Variants in RSU1 observed in about 807,000 individuals in gnomAD.
RSU1 encodes Ras suppressor protein 1.
In RSU1, 26 loss-of-function variants were observed where a neutral mutation model predicts 31.1. The observed-to-expected ratio is 0.84, with a 90% CI of 0.61 to 1.16. The LOEUF is 1.16. RSU1 is among the 50% of genes most tolerant of loss of function. RSU1 has a pLI of 0.00. For synonymous variants in RSU1, 164 were observed against 136.3 expected (o/e 1.20, Z -1.41); for missense variants, 320 against 339.1 (o/e 0.94, Z 0.44).
At chr10:16,680,255 C>T (rs1286526290) in intron 8 of RSU1, among the ~76,000 whole-genome samples, 1 of 151,954 alleles carries the variant, frequency 6.6e-6, no homozygotes, top group African/African-American at 2.4e-5. Context: ...GCCGAGAATA[C>T]AGCAGACACA....
intron 8 of RSU1, among the ~76,000 whole-genome samples, chr10:16,600,712 T>A (rs1833703391): frequency 6.6e-6 from 1 of 151,836 alleles, no homozygotes. Flanking sequence ...CAGGTGCAGA[T>A]CACCATGCCC....
At chr10:16,613,047 C>T (rs973948677) in intron 8 of RSU1, among the ~76,000 whole-genome samples, 3 of 152,112 alleles carry the variant, frequency 2.0e-5, no homozygotes, top group African/African-American at 7.2e-5. Flanking sequence ...ACTCTTTGTT[C>T]AATTCAACAC....
chr10:16,816,941 C>A (rs377144416), intron 2 of RSU1, 32 bp downstream of exon 2: 23 of 1,466,386 alleles, frequency 1.6e-5, no homozygotes, highest in Non-Finnish European at 2.2e-5. Flanking sequence ...CCTTCCAGCT[C>A]ATCCACGGGA....
chr10:16,788,467 C>G (rs536995025), intron 2 of RSU1, among the ~76,000 whole-genome samples: 5 of 152,296 alleles, frequency 3.3e-5, no homozygotes, highest in African/African-American at 1.2e-4. Context: ...GAGACACGAT[C>G]TCTTTCTCCA....
intron 2 of RSU1, among the ~76,000 whole-genome samples, chr10:16,785,934 T>G (rs1837782712): frequency 6.6e-6 from 1 of 152,194 alleles, no homozygotes; most frequent in South Asian, 2.1e-4. Context: ...CTAAACTTAT[T>G]GTGTCTTTTG....
intron 8 of RSU1, among the ~76,000 whole-genome samples, chr10:16,629,244 G>C (rs1040008868): frequency 1.1e-4 from 17 of 152,140 alleles, no homozygotes; most frequent in African/African-American, 4.1e-4. Context: ...GTTACCAGGT[G>C]ATATCGATGC....
At chr10:16,674,759 A>G (rs1379664946) in intron 8 of RSU1, among the ~76,000 whole-genome samples, 1 of 152,086 alleles carries the variant, frequency 6.6e-6, no homozygotes, top group Non-Finnish European at 1.5e-5. Context: ...ATAAGTGTAA[A>G]GCCGGCCAGA....
At chr10:16,670,796 C>A (rs573590991) in intron 8 of RSU1, among the ~76,000 whole-genome samples, 1 of 152,094 alleles carries the variant, frequency 6.6e-6, no homozygotes, top group Non-Finnish European at 1.5e-5. Flanking sequence ...CTGAGTCTTG[C>A]TCTTGTCACC....
chr10:16,673,586 T>C (rs559739730), intron 8 of RSU1, among the ~76,000 whole-genome samples: 2 of 152,320 alleles, frequency 1.3e-5, no homozygotes, highest in East Asian at 1.9e-4. Flanking sequence ...AAAAGCCAAA[T>C]GTTTCTTGAA....
chr10:16,643,555 C>T (rs1449145595), intron 8 of RSU1, among the ~76,000 whole-genome samples: 2 of 152,092 alleles, frequency 1.3e-5, no homozygotes, highest in Non-Finnish European at 2.9e-5. Flanking sequence ...TGACAAACAC[C>T]TTGTATTTCA....
chr10:16,673,063 T>G (rs1835142975), intron 8 of RSU1, among the ~76,000 whole-genome samples: 1 of 152,020 alleles, frequency 6.6e-6, no homozygotes, highest in South Asian at 2.1e-4. Context: ...AAGCTTATTC[T>G]CCAAGGCTAC....
intron 8 of RSU1, among the ~76,000 whole-genome samples, chr10:16,627,354 T>G (rs1219759585): frequency 6.6e-6 from 1 of 152,214 alleles, no homozygotes; most frequent in Non-Finnish European, 1.5e-5. Context: ...GAGTAGGTTA[T>G]GTTAGCTACA....
intron 8 of RSU1, among the ~76,000 whole-genome samples, chr10:16,607,619 A>C (rs113492118): frequency 0.016 from 2,431 of 152,302 alleles, 60 homozygotes; most frequent in African/African-American, 0.054. Flanking sequence ...CACACTGAGC[A>C]GGTGCTCTGT....
intron 3 of RSU1, among the ~76,000 whole-genome samples, chr10:16,778,143 C>G (rs1183849229): frequency 6.6e-6 from 1 of 151,578 alleles, no homozygotes; most frequent in Admixed American, 6.6e-5. Flanking sequence ...ACTACAGCCT[C>G]CACAGTAGCT....
At chr10:16,772,641 GAAAAA>G (rs60460081) in intron 3 of RSU1, among the ~76,000 whole-genome samples, 1 of 64,760 alleles carries the variant, frequency 1.5e-5, no homozygotes. Flanking sequence ...AGTAGAATAT[GAAAAA>G]AAAAAAAAAA....
chr10:16,760,994 T>G (rs1016022161), intron 4 of RSU1, among the ~76,000 whole-genome samples: 5 of 152,166 alleles, frequency 3.3e-5, no homozygotes, highest in African/African-American at 1.2e-4. Context: ...TAGGCTGGAG[T>G]GCAGTGGTGC....
intron 3 of RSU1, among the ~76,000 whole-genome samples, chr10:16,769,147 G>T (rs1195780783): frequency 6.6e-6 from 1 of 152,188 alleles, no homozygotes; most frequent in African/African-American, 2.4e-5. Flanking sequence ...ATCACCTGTT[G>T]TAACAATCGC....
intron 2 of RSU1, among the ~76,000 whole-genome samples, chr10:16,796,330 T>C (rs1456389371): frequency 6.6e-6 from 1 of 152,168 alleles, no homozygotes; most frequent in African/African-American, 2.4e-5. Flanking sequence ...AACTTAGGTG[T>C]GTTTCTTCTG....
intron 4 of RSU1, among the ~76,000 whole-genome samples, chr10:16,760,370 G>A (rs1250446090): frequency 6.6e-6 from 1 of 152,024 alleles, no homozygotes. Flanking sequence ...GTAGCTGGGT[G>A]TGGGTGTGTG....
Sources: allele counts gnomAD v4.1 joint callset (sites outside exome capture counted in the v4.1 genomes callset), GRCh38; gene constraint gnomAD v4.1.1; transcripts MANE v1.5; gene names NCBI Gene and HGNC (gene_info 2026-07-23, HGNC 2026-07-21).